Variants in FLOT2 observed in about 807,000 individuals in gnomAD.
FLOT2 encodes flotillin 2.
A neutral mutation model predicts 54.9 loss-of-function variants in FLOT2; 35 were observed. That is an observed-to-expected ratio of 0.64 (90% CI 0.49 to 0.84). The LOEUF is 0.84. FLOT2 is among the 40% of genes least tolerant of loss of function. The pLI, the probability that FLOT2 is intolerant of heterozygous loss-of-function variation, is 0.00. For synonymous variants in FLOT2, 207 were observed against 228.9 expected (o/e 0.90, Z 0.86); for missense variants, 464 against 572.1 (o/e 0.81, Z 1.93).
chr17:28,887,860 C>T (rs923084462), intron 2 of FLOT2, among the ~76,000 whole-genome samples: 11 of 152,154 alleles, frequency 7.2e-5, no homozygotes, highest in South Asian at 2.1e-4. Flanking sequence ...CACCTCTGGT[C>T]GGGTAAAGTG....
rs3744631 is a variant in FLOT2 at position 28,879,851 on chromosome 17, C to T, written c.*710G>A. Reference sequence around the variant, plus strand: ...CCCATGAAGAGGCCTTCCCTGAGCACAAGCAGGGGCCTCCTAAGGCAGTAG... The same window carrying T: ...CCCATGAAGAGGCCTTCCCTGAGCATAAGCAGGGGCCTCCTAAGGCAGTAG... On this transcript the variant is annotated 3_prime_UTR_variant, in exon 11 of 11. Transcript: ENST00000394908. 1.0e-6 allele frequency: 1 copy of T among 986,018 alleles called. No homozygotes were observed. Among genetic ancestry groups the T allele is most frequent in the Non-Finnish European group, 1.2e-6 (1 of 830,088 alleles). The allele number at this position is 986,018 out of a possible 1,614,324, so 61.1% of individuals were successfully genotyped here. A position where few individuals can be genotyped will look rare whatever the true frequency, so the allele number is the denominator to read the frequency against.
intron 2 of FLOT2, among the ~76,000 whole-genome samples, chr17:28,885,286 G>A (rs2039520656): frequency 6.6e-6 from 1 of 152,236 alleles, no homozygotes; most frequent in Non-Finnish European, 1.5e-5. Flanking sequence ...GAGTGGTGGT[G>A]TAGTGTTTTT....
rs370971335 is a variant in FLOT2 at position 28,897,511 on chromosome 17, T to G, written c.49+15A>C. ...GCACCCTCCACAGCTCCCACCTTCC[T>G]CGCCGCCCCCTCACCTGAAACCACC... On this transcript the variant is annotated intron_variant, in intron 1 of 10. Transcript: ENST00000394908. This position sits in a 1 kb window ranked among gnomAD's most constrained non-coding sequence, Gnocchi z 4.4. 8.7e-6 allele frequency: 14 copies of G among 1,601,996 alleles called. No homozygotes were observed. In the African/African-American group the frequency reaches 1.9e-4, roughly 22 times the overall value.
In FLOT2 at chr17:28,882,068, C is replaced by T. The variant is rs1263325471; in HGVS notation, c.700-40G>A. On this transcript the variant is annotated intron_variant, in intron 7 of 10. Coordinates refer to ENST00000394908, the MANE Select transcript of FLOT2 (RefSeq NM_004475.3). The surrounding 1 kb of genome is among the most constrained non-coding windows in gnomAD (Gnocchi z 5.6). ...TGTGTGGCACATTAGAGGCTGGTCA[C>T]CAAGTCCTGATCCCTGAGCCCCATC... 16 of 1,613,998 alleles carry T rather than the reference C, an allele frequency of 9.9e-6. 1 individual carries two copies. In the South Asian group the frequency reaches 1.6e-4, roughly 17 times the overall value.
At position 28,880,254 on chromosome 17, in the gene FLOT2, T is replaced by C; in HGVS notation, c.*307A>G. The C allele has an allele frequency of 8.0e-7, 1 of 1,251,974 alleles. No individual in the cohort carries two copies. 77.6% of individuals were successfully genotyped at this position (1,251,974 alleles called of 1,614,324 possible). ...CCACAGAGAGTGATTGTAATAAACA[T>C]CTTCAGCTTAATCTACATGATGTGC... is the stretch of plus-strand genomic sequence containing the variant. On this transcript the variant is annotated 3_prime_UTR_variant, in exon 11 of 11. Coordinates refer to ENST00000394908, the MANE Select transcript of FLOT2 (RefSeq NM_004475.3).
chr17:28,879,478 A>C lies in FLOT2; in HGVS notation c.*1083T>G. ...GGCAGGGCCAGGGTGGGGAGCTGGG[A>C]CCACTGGACATTCACAGCACCCCTG... On this transcript the variant is annotated 3_prime_UTR_variant, in exon 11 of 11. Transcript: ENST00000394908. 5.1e-6 allele frequency: 5 copies of C among 986,920 alleles called. No individual in the cohort carries two copies. Among genetic ancestry groups the C allele is most frequent in the Non-Finnish European group, 4.8e-6 (4 of 830,202 alleles). The allele number at this position is 986,920 out of a possible 1,614,324, so 61.1% of individuals were successfully genotyped here.
rs558749160 is a variant in FLOT2, at chr17:28,897,430, G to C, written c.49+96C>G. The C allele has an allele frequency of 7.4e-6, 9 of 1,221,340 alleles. No individual in the cohort carries two copies. In the African/African-American group the frequency reaches 1.3e-4, roughly 17 times the overall value. 75.7% of individuals were successfully genotyped at this position (1,221,340 alleles called of 1,614,324 possible). ...CGGGGGCCAGCGCCCTGCGCCGCGC[G>C]GTGGACTCAGGCCCAGCTCTTCCCC... On this transcript the variant is annotated intron_variant, in intron 1 of 10. Transcript: ENST00000394908. This position sits in a 1 kb window ranked among gnomAD's most constrained non-coding sequence, Gnocchi z 4.4.
At chr17:28,885,692 A>T in intron 2 of FLOT2, 1 of 718,258 alleles carries the variant, frequency 1.4e-6, no homozygotes, top group Non-Finnish European at 2.6e-6. Context: ...GGACCTGGGG[A>T]TGTACAGGGA....
In FLOT2 at chr17:28,881,261, G is replaced by A. The variant is rs756310866; in HGVS notation, c.1029C>T (p.Leu343=). ...MGKAEAERMK[L]KAEAYQKYGD... ...CGTATTTCTGGTAGGCTTCTGCCTT[G>A]AGCTTCATCCGCTCAGCCTCTGCCT... The change falls in exon 9 of 11, where the codon CTC becomes CTT. Residue 343 remains leucine, a synonymous_variant. Coordinates refer to ENST00000394908, the MANE Select transcript of FLOT2 (RefSeq NM_004475.3). 59 of 1,614,076 alleles carry A rather than the reference G, an allele frequency of 3.7e-5. No individual in the cohort carries two copies. Among genetic ancestry groups the A allele is most frequent in the Non-Finnish European group, 4.3e-5 (51 of 1,180,044 alleles).
chr17:28,879,598 G>A lies in FLOT2; in HGVS notation c.*963C>T. On this transcript the variant is annotated 3_prime_UTR_variant, in exon 11 of 11. Coordinates refer to ENST00000394908, the MANE Select transcript of FLOT2 (RefSeq NM_004475.3). ...CCATGGCTGGAACCCCATCACTCTG[G>A]CCAGGAAGAAAGATGGCACAAGGGC... is the stretch of plus-strand genomic sequence containing the variant. The A allele has an allele frequency of 2.0e-6, 2 of 985,936 alleles. No homozygotes were observed. Among genetic ancestry groups the A allele is most frequent in the Non-Finnish European group, 2.4e-6 (2 of 830,070 alleles). The allele number at this position is 985,936 out of a possible 1,614,324, so 61.1% of individuals were successfully genotyped here.
intron 2 of FLOT2, chr17:28,886,052 T>TGGG: frequency 5.8e-6 from 2 of 346,030 alleles, no homozygotes; most frequent in African/African-American, 1.1e-4. Flanking sequence ...GCCTGACGCC[T>TGGG]GGGGGCGGGG....
chr17:28,897,405 C>A lies in FLOT2; in HGVS notation c.49+121G>T. ...CTTGGAAGGGGCCTCAGGTGCGGCC[C>A]GGGGGCCAGCGCCCTGCGCCGCGCG... is the stretch of plus-strand genomic sequence containing the variant. On this transcript the variant is annotated intron_variant, in intron 1 of 10. Coordinates refer to ENST00000394908, the MANE Select transcript of FLOT2 (RefSeq NM_004475.3). This position sits in a 1 kb window ranked among gnomAD's most constrained non-coding sequence, Gnocchi z 4.4. 1.1e-6 allele frequency: 1 copy of A among 940,474 alleles called. No homozygotes were observed. 58.3% of individuals were successfully genotyped at this position (940,474 alleles called of 1,614,324 possible). A position where few individuals can be genotyped will look rare whatever the true frequency, so the allele number is the denominator to read the frequency against.
At chr17:28,886,558 A>G (rs1450489902) in intron 2 of FLOT2, among the ~76,000 whole-genome samples, 1 of 152,182 alleles carries the variant, frequency 6.6e-6, no homozygotes, top group East Asian at 1.9e-4. Flanking sequence ...GAGATAAGGG[A>G]GGCATTTAAT....
In FLOT2 at chr17:28,897,508, TC is replaced by T. The variant is rs1458613311; in HGVS notation, c.49+17del. ...CGAGCACCCTCCACAGCTCCCACCT[TC>T]CTCGCCGCCCCCTCACCTGAAACCA... is the stretch of plus-strand genomic sequence containing the variant. On this transcript the variant is annotated intron_variant, in intron 1 of 10. Coordinates refer to ENST00000394908, the MANE Select transcript of FLOT2 (RefSeq NM_004475.3). This position sits in a 1 kb window ranked among gnomAD's most constrained non-coding sequence, Gnocchi z 4.4. The T allele has an allele frequency of 6.2e-7, 1 of 1,601,380 alleles. No homozygotes were observed. Among genetic ancestry groups the T allele is most frequent in the South Asian group, 1.1e-5 (1 of 89,294 alleles).
At chr17:28,887,062 G>A (rs1341967637) in intron 2 of FLOT2, among the ~76,000 whole-genome samples, 2 of 152,142 alleles carry the variant, frequency 1.3e-5, no homozygotes, top group Non-Finnish European at 1.5e-5. Context: ...AAGGGAGGCT[G>A]CAGCTCAGAT....
rs374687353 is a variant in FLOT2, at chr17:28,881,272, G to A, written c.1018C>T (p.Arg340Trp). The change falls in exon 9 of 11, where the codon CGG becomes TGG. Residue 340 changes from arginine (R) to tryptophan (W), a missense_variant. Transcript: ENST00000394908. The part of the protein sequence containing the change: ...IEAMGKAEAE[R>W]MKLKAEAYQK... ...TAGGCTTCTGCCTTGAGCTTCATCC[G>A]CTCAGCCTCTGCCTTGCCCATCGCC... 3.5e-5 allele frequency: 56 copies of A among 1,614,088 alleles called. No individual in the cohort carries two copies. The highest frequency in any genetic ancestry group is 8.0e-5 in the African/African-American group (6 of 75,038).
chr17:28,879,795 G>A lies in FLOT2; in HGVS notation c.*766C>T. 1 of 986,138 alleles carries A rather than the reference G, an allele frequency of 1.0e-6. No homozygotes were observed. The highest frequency in any genetic ancestry group is 1.2e-6 in the Non-Finnish European group (1 of 830,176). 61.1% of individuals were successfully genotyped at this position (986,138 alleles called of 1,614,324 possible). A position where few individuals can be genotyped will look rare whatever the true frequency, so the allele number is the denominator to read the frequency against. Reference sequence around the variant, plus strand: ...ATCTCAGAAAACTTAGCAGAGTTGGGACCAAACCGCACCGCCCCAGCAGGA... The same window carrying A: ...ATCTCAGAAAACTTAGCAGAGTTGGAACCAAACCGCACCGCCCCAGCAGGA... On this transcript the variant is annotated 3_prime_UTR_variant, in exon 11 of 11. Transcript: ENST00000394908.
chr17:28,890,489 C>T (rs376200175), intron 1 of FLOT2, among the ~76,000 whole-genome samples: 28 of 151,788 alleles, frequency 1.8e-4, no homozygotes, highest in African/African-American at 6.3e-4. Context: ...CGGGTTCACG[C>T]GATTCTCCTG....
intron 2 of FLOT2, among the ~76,000 whole-genome samples, chr17:28,885,168 C>A (rs2039518640): frequency 6.6e-6 from 1 of 152,208 alleles, no homozygotes; most frequent in Non-Finnish European, 1.5e-5. Flanking sequence ...CCCTTCCACA[C>A]AAGGTGCTCC....
Sources: allele counts gnomAD v4.1 joint callset (sites outside exome capture counted in the v4.1 genomes callset), GRCh38; gene constraint gnomAD v4.1.1; non-coding constraint Gnocchi (gnomAD v3.1); transcripts MANE v1.5; gene names NCBI Gene and HGNC (gene_info 2026-07-23, HGNC 2026-07-21).